The following SCAF8 variants were observed in gnomAD, a reference collection of about 807,000 sequenced individuals.
SCAF8 encodes the protein SR-related CTD associated factor 8, also known as SR-related and CTD-associated factor 8.
A neutral mutation model predicts 140.5 loss-of-function variants in SCAF8; 23 were observed. The observed-to-expected ratio is 0.16, with a 90% confidence interval of 0.12 to 0.23. SCAF8 has a LOEUF of 0.23. SCAF8 is among the 10% of genes least tolerant of loss of function. The pLI is 1.00. For missense variants in SCAF8, 1,397 were observed against 1,555.7 expected, an observed-to-expected ratio of 0.90 and a Z score of 1.72; for synonymous variants, 575 against 528.9, an observed-to-expected ratio of 1.09 and a Z score of -1.20.
At chr6:154,808,906 C>T in intron 11 of SCAF8, 108 bp downstream of exon 11, 4 of 734,884 alleles carry the variant, frequency 5.4e-6, no homozygotes, top group Non-Finnish European at 8.9e-6. Flanking sequence ...CATATTTTTT[C>T]TCAGTCTCTC....
intron 13 of SCAF8, among the ~76,000 whole-genome samples, chr6:154,817,228 C>CA (rs1778279730): frequency 6.6e-6 from 1 of 152,160 alleles, no homozygotes; most frequent in Non-Finnish European, 1.5e-5. Flanking sequence ...AGCAAAGTGT[C>CA]ACAGCTGCAT....
In SCAF8 at chr6:154,733,521, C is replaced by A; in HGVS notation, c.-380C>A. ...GCGGGGAGGTGAAACAGGAGCCCGT[C>A]GGAGGAAGGGGCAGAAGGGAGTGGA... On this transcript the variant is annotated 5_prime_UTR_variant, in exon 1 of 20. Coordinates refer to ENST00000367178, the MANE Select transcript of SCAF8 (RefSeq NM_014892.5). The A allele has an allele frequency of 1.5e-6, 2 of 1,307,896 alleles. No homozygotes were observed. The highest frequency in any genetic ancestry group is 4.0e-5 in the Admixed American group (1 of 25,044). The allele number at this position is 1,307,896 out of a possible 1,614,324, so 81.0% of individuals were successfully genotyped here.
At chr6:154,823,250 TGAG>T (rs1274324673) in intron 16 of SCAF8, among the ~76,000 whole-genome samples, 21 of 152,230 alleles carry the variant, frequency 1.4e-4, no homozygotes, top group East Asian at 1.2e-3. Flanking sequence ...GAGAGAAAGA[TGAG>T]GAGTCATTGG....
At chr6:154,753,876 C>T (rs1778901160) in intron 1 of SCAF8, among the ~76,000 whole-genome samples, 1 of 152,156 alleles carries the variant, frequency 6.6e-6, no homozygotes, top group African/African-American at 2.4e-5. Context: ...CTTACTCTGT[C>T]ACACAGGCTG....
intron 15 of SCAF8, 137 bp downstream of exon 15, chr6:154,820,470 C>A: frequency 1.5e-6 from 1 of 659,090 alleles, no homozygotes. Flanking sequence ...CATTACTATG[C>A]CCTAGTGTAC....
At chr6:154,788,054 TA>T (rs771504108) in intron 4 of SCAF8, 32 bp downstream of exon 4, 1 of 1,552,258 alleles carries the variant, frequency 6.4e-7, no homozygotes, top group African/African-American at 1.4e-5. Context: ...TTTGTTTTTT[TA>T]AAAGTAGATA....
At chr6:154,805,827 C>T (rs1455352354) in intron 9 of SCAF8, among the ~76,000 whole-genome samples, 2 of 152,026 alleles carry the variant, frequency 1.3e-5, no homozygotes, top group African/African-American at 4.8e-5. Context: ...TAAAACTAAA[C>T]GTGTTTTTCT....
chr6:154,773,439 T>C (rs1453130496), intron 1 of SCAF8, among the ~76,000 whole-genome samples: 1 of 152,240 alleles, frequency 6.6e-6, no homozygotes, highest in African/African-American at 2.4e-5. Flanking sequence ...TGTTTACTCA[T>C]TAGCTGACAG....
At chr6:154,815,474 G>A (rs576422147) in intron 12 of SCAF8, among the ~76,000 whole-genome samples, 88 of 152,296 alleles carry the variant, frequency 5.8e-4, no homozygotes, top group African/African-American at 2.0e-3. Flanking sequence ...GATGGTTCAG[G>A]TGTGCAGCCA....
intron 15 of SCAF8, among the ~76,000 whole-genome samples, chr6:154,820,674 G>A (rs1356578388): frequency 6.6e-6 from 1 of 152,078 alleles, no homozygotes; most frequent in African/African-American, 2.4e-5. Context: ...AAGGTTTTTT[G>A]AAACACTTTG....
chr6:154,808,848 G>C (rs2114646008), intron 11 of SCAF8, 50 bp downstream of exon 11: 1 of 1,247,938 alleles, frequency 8.0e-7, no homozygotes, highest in East Asian at 2.3e-5. Context: ...TAAAATGTTG[G>C]CTTTATTTCT....
At chr6:154,774,187 C>G in intron 2 of SCAF8, 115 bp downstream of exon 2, 1 of 718,156 alleles carries the variant, frequency 1.4e-6, no homozygotes, top group South Asian at 1.9e-5. Flanking sequence ...AGTGTTAACA[C>G]ATATTGTGGA....
intron 16 of SCAF8, 62 bp downstream of exon 16, chr6:154,822,471 G>T (rs545261191): frequency 3.4e-6 from 5 of 1,475,128 alleles, no homozygotes; most frequent in Non-Finnish European, 4.6e-6. Context: ...TTTTAATCAT[G>T]TATTTACTTT....
intron 18 of SCAF8, among the ~76,000 whole-genome samples, chr6:154,827,788 G>C (rs974542996): frequency 1.0e-4 from 15 of 146,952 alleles, no homozygotes; most frequent in Non-Finnish European, 1.0e-4. Context: ...CAGAAGTCTT[G>C]CAGTGCCTTT....
chr6:154,778,749 G>A (rs1776988168), intron 3 of SCAF8, among the ~76,000 whole-genome samples: 1 of 151,186 alleles, frequency 6.6e-6, no homozygotes, highest in African/African-American at 2.4e-5. Context: ...GGGGAACAGA[G>A]TGAGACCCTG....
In SCAF8 at chr6:154,820,350, CT is replaced by C. The variant is rs1778382546; in HGVS notation, c.1792+22del. 6.3e-7 allele frequency: 1 copy of C among 1,586,584 alleles called. No homozygotes were observed. The highest frequency in any genetic ancestry group is 1.2e-5 in the South Asian group (1 of 86,108). ...TAAATACTGGTAAGAATTCTAAGGT[CT>C]TTTTATTGTTAAAAAAAAGTATGCT... is the stretch of plus-strand genomic sequence containing the variant. On this transcript the variant is annotated intron_variant, in intron 15 of 19. Transcript: ENST00000367178.
chr6:154,750,507 T>A (rs2114806719), intron 1 of SCAF8, among the ~76,000 whole-genome samples: 1 of 152,264 alleles, frequency 6.6e-6, no homozygotes. Context: ...GTATAAGACA[T>A]TTAAAAGCAA....
At chr6:154,749,577 A>G (rs1778789977) in intron 1 of SCAF8, among the ~76,000 whole-genome samples, 1 of 152,198 alleles carries the variant, frequency 6.6e-6, no homozygotes, top group Non-Finnish European at 1.5e-5. Context: ...ACCTATGTAT[A>G]GTTTGTGTAC....
chr6:154,824,455 C>T (rs1008127172), intron 17 of SCAF8, 77 bp downstream of exon 17: 12 of 1,334,466 alleles, frequency 9.0e-6, no homozygotes, highest in African/African-American at 1.5e-5. Flanking sequence ...ATTTAAGTAC[C>T]ATAGAGCAGT....
Sources: gnomAD v4.1 joint callset for allele counts (sites outside exome capture counted in the v4.1 genomes callset) on GRCh38, gnomAD v4.1.1 for gene constraint, MANE v1.5 for transcripts, NCBI Gene and HGNC (gene_info 2026-07-23, HGNC 2026-07-21) for gene names.